Variants in NBEA observed in about 807,000 individuals in gnomAD.
NBEA encodes lysosomal-trafficking regulator 2.
NBEA carries 44 observed loss-of-function variants against 343.4 expected under a neutral mutation model. The observed-to-expected ratio is 0.13, with a 90% confidence interval of 0.10 to 0.16. The LOEUF is 0.16. NBEA is among the 10% of genes least tolerant of loss of function. NBEA has a pLI of 1.00. For synonymous variants in NBEA, 1,175 were observed against 1,238.7 expected (o/e 0.95, Z 1.08); for missense variants, 2,555 against 3,631.3 (o/e 0.70, Z 7.62).
intron 41 of NBEA, among the ~76,000 whole-genome samples, chr13:35,499,636 T>G (rs1022927168): frequency 2.6e-5 from 4 of 152,234 alleles, no homozygotes; most frequent in Middle Eastern, 3.4e-3. Context: ...TAATTTGAGC[T>G]TCTATAATTA....
chr13:35,418,386 CAGG>C (rs1396594302), intron 38 of NBEA, among the ~76,000 whole-genome samples: 1 of 151,780 alleles, frequency 6.6e-6, no homozygotes, highest in Non-Finnish European at 1.5e-5. Context: ...AGGAGTGATG[CAGG>C]AGGAGTTTAG....
intron 1 of NBEA, among the ~76,000 whole-genome samples, chr13:34,980,084 T>A (rs1204331239): frequency 6.6e-6 from 1 of 152,150 alleles, no homozygotes; most frequent in Non-Finnish European, 1.5e-5. Context: ...TGGTGTACTG[T>A]GGTGTCTCAA....
chr13:34,967,686 AT>A (rs1426550926), intron 1 of NBEA, among the ~76,000 whole-genome samples: 1 of 152,124 alleles, frequency 6.6e-6, no homozygotes, highest in Non-Finnish European at 1.5e-5. Flanking sequence ...AAGGATCCAA[AT>A]ATTTTAGCCT....
At chr13:35,248,337 A>G (rs2152784922) in intron 34 of NBEA, among the ~76,000 whole-genome samples, 1 of 152,334 alleles carries the variant, frequency 6.6e-6, no homozygotes, top group Middle Eastern at 3.4e-3. Flanking sequence ...ATCACACAGA[A>G]TGAAGAAAAG....
chr13:35,013,154 A>G (rs1265763934), intron 1 of NBEA, among the ~76,000 whole-genome samples: 2 of 152,194 alleles, frequency 1.3e-5, no homozygotes, highest in Non-Finnish European at 2.9e-5. Context: ...AATAGTTTCA[A>G]ATATTTCAGT....
At chr13:35,148,463 TA>T (rs1170066838) in intron 18 of NBEA, among the ~76,000 whole-genome samples, 1 of 152,168 alleles carries the variant, frequency 6.6e-6, no homozygotes, top group Non-Finnish European at 1.5e-5. Context: ...CAGAGAAATT[TA>T]ACTCCCCTCT....
intron 13 of NBEA, 93 bp from the exon 14 acceptor site, chr13:35,117,321 A>T: frequency 6.4e-6 from 3 of 470,848 alleles, no homozygotes; most frequent in Non-Finnish European, 9.9e-6. Flanking sequence ...AAAGATAATT[A>T]TTCAAGAATG....
chr13:35,368,129 C>CT (rs951101549), intron 38 of NBEA, among the ~76,000 whole-genome samples: 2 of 151,490 alleles, frequency 1.3e-5, no homozygotes, highest in Admixed American at 6.6e-5. Flanking sequence ...TTGATACCTA[C>CT]TTTAGTTTAA....
chr13:35,499,063 C>G (rs1340826169), intron 41 of NBEA, among the ~76,000 whole-genome samples: 1 of 152,018 alleles, frequency 6.6e-6, no homozygotes, highest in African/African-American at 2.4e-5. Flanking sequence ...AACAGTCTTG[C>G]TATAGCAAGC....
chr13:35,025,605 T>G (rs990384007), intron 1 of NBEA, among the ~76,000 whole-genome samples: 1 of 152,120 alleles, frequency 6.6e-6, no homozygotes, highest in Non-Finnish European at 1.5e-5. Context: ...GCCTCTGGTT[T>G]TCTTCTTTTT....
At chr13:35,282,537 A>G (rs931598056) in intron 34 of NBEA, among the ~76,000 whole-genome samples, 2 of 152,200 alleles carry the variant, frequency 1.3e-5, no homozygotes, top group Non-Finnish European at 2.9e-5. Context: ...AATTGATTCT[A>G]TAATTAAATT....
chr13:35,208,994 T>A (rs930194378), intron 32 of NBEA, 140 bp downstream of exon 32: 3 of 755,702 alleles, frequency 4.0e-6, no homozygotes, highest in African/African-American at 3.6e-5. Flanking sequence ...TTTTATGTTA[T>A]GACTTTTAGA....
intron 41 of NBEA, among the ~76,000 whole-genome samples, chr13:35,503,745 T>C (rs574622070): frequency 1.3e-5 from 2 of 152,202 alleles, no homozygotes; most frequent in East Asian, 3.9e-4. Context: ...AATAGCATAT[T>C]GGATTATTTA....
chr13:35,425,319 T>C (rs2044584378), intron 38 of NBEA, among the ~76,000 whole-genome samples: 1 of 152,214 alleles, frequency 6.6e-6, no homozygotes, highest in African/African-American at 2.4e-5. Flanking sequence ...CTGCTTTGAA[T>C]GTGTCCCAGA....
chr13:35,068,937 T>C (rs1432955091), intron 8 of NBEA, among the ~76,000 whole-genome samples: 2 of 152,162 alleles, frequency 1.3e-5, no homozygotes, highest in African/African-American at 4.8e-5. Flanking sequence ...AATTCACTTA[T>C]ATGCATATCT....
At chr13:35,376,051 A>G (rs2041722033) in intron 38 of NBEA, among the ~76,000 whole-genome samples, 1 of 152,080 alleles carries the variant, frequency 6.6e-6, no homozygotes, top group South Asian at 2.1e-4. Flanking sequence ...TATATTTATT[A>G]TTATTATTCT....
chr13:35,126,060 C>T (rs2067116944), intron 17 of NBEA, among the ~76,000 whole-genome samples: 1 of 152,184 alleles, frequency 6.6e-6, no homozygotes, highest in African/African-American at 2.4e-5. Context: ...CCTAAAATCT[C>T]ATCTTGACTT....
intron 11 of NBEA, among the ~76,000 whole-genome samples, chr13:35,101,643 T>C (rs1391971043): frequency 6.6e-6 from 1 of 151,832 alleles, no homozygotes; most frequent in Non-Finnish European, 1.5e-5. Flanking sequence ...TATTTCTCCA[T>C]TCTTTGGATC....
chr13:35,054,303 A>G (rs1057413280), intron 6 of NBEA, among the ~76,000 whole-genome samples: 2 of 152,104 alleles, frequency 1.3e-5, no homozygotes, highest in Non-Finnish European at 1.5e-5. Flanking sequence ...TACTTGTAAA[A>G]TTCTATAAGA....
Sources: gnomAD v4.1 joint callset for allele counts (sites outside exome capture counted in the v4.1 genomes callset) on GRCh38, gnomAD v4.1.1 for gene constraint, MANE v1.5 for transcripts, NCBI Gene and HGNC (gene_info 2026-07-23, HGNC 2026-07-21) for gene names.